Variants in FKBP5 observed in about 807,000 individuals in gnomAD.
FKBP5 encodes peptidyl-prolyl cis-trans isomerase FKBP5.
Under a neutral mutation model 50.5 loss-of-function variants are expected in FKBP5, and 23 were observed. The observed-to-expected ratio is 0.46, with a 90% CI of 0.33 to 0.65. FKBP5 has a LOEUF of 0.65. Ranked by LOEUF, FKBP5 falls within the 30% of genes least tolerant of loss-of-function variation. The pLI is 0.02. For synonymous variants in FKBP5, 176 were observed against 190.6 expected, an observed-to-expected ratio of 0.92 and a Z score of 0.63; for missense variants, 411 against 553.1, an observed-to-expected ratio of 0.74 and a Z score of 2.58.
rs755555823 is a variant in FKBP5 at position 35,637,137 on chromosome 6, C to G, written c.127G>C (p.Gly43Arg). ...TCTCCAATCATCGGCGTTTCCTCAC[C>G]ATTCCCCACTCTTTTGACAATCTAG... ...VLKIVKRVGN[G>R]EETPMIGDKV... Residue 43 changes from glycine to arginine, a missense_variant, in exon 3 of 11, where the codon GGT becomes CGT. By Grantham distance (125) the Gly-to-Arg change is moderately radical. Coordinates refer to ENST00000357266, the MANE Select transcript of FKBP5 (RefSeq NM_004117.4). 2 of 1,608,836 alleles carry G rather than the reference C, an allele frequency of 1.2e-6. No individual in the cohort carries two copies. The highest frequency in any genetic ancestry group is 1.7e-6 in the Non-Finnish European group (2 of 1,178,948).
intron 8 of FKBP5, chr6:35,585,309 T>C: frequency 1.0e-6 from 1 of 980,310 alleles, no homozygotes; most frequent in Non-Finnish European, 1.2e-6. Flanking sequence ...ATTATGTATT[T>C]GGATATACAA....
intron 1 of FKBP5, among the ~76,000 whole-genome samples, chr6:35,662,750 T>G (rs1561882904): frequency 6.6e-6 from 1 of 152,214 alleles, no homozygotes; most frequent in African/African-American, 2.4e-5. Context: ...GCATTCATTT[T>G]TGCTGCTTTT....
intron 2 of FKBP5, among the ~76,000 whole-genome samples, chr6:35,700,275 C>G (rs1766157004): frequency 6.6e-6 from 1 of 152,124 alleles, no homozygotes; most frequent in South Asian, 2.1e-4. Context: ...ATTCTCCTGC[C>G]TCAGCCTCCC....
chr6:35,674,339 G>A (rs1765473199), intron 1 of FKBP5, among the ~76,000 whole-genome samples: 1 of 152,298 alleles, frequency 6.6e-6, no homozygotes, highest in South Asian at 2.1e-4. Flanking sequence ...TGGAGATACA[G>A]ACTTAGAAAT....
chr6:35,590,696 C>T (rs1470396662), intron 7 of FKBP5, among the ~76,000 whole-genome samples: 3 of 152,052 alleles, frequency 2.0e-5, no homozygotes, highest in African/African-American at 4.8e-5. Context: ...CTTGGAGCCA[C>T]AGTGCAGGCC....
intron 5 of FKBP5, among the ~76,000 whole-genome samples, chr6:35,609,378 T>A (rs898038600): frequency 2.0e-5 from 3 of 152,180 alleles, no homozygotes; most frequent in African/African-American, 7.2e-5. Context: ...CTATAGACAA[T>A]GATCAAAAGC....
chr6:35,585,685 ATT>A (rs1644449722), intron 8 of FKBP5: 5 of 940,276 alleles, frequency 5.3e-6, no homozygotes, highest in Non-Finnish European at 5.1e-6. Flanking sequence ...ATGATTTAAA[ATT>A]TGTTTGAATA....
intron 8 of FKBP5, chr6:35,584,169 C>G: frequency 1.0e-6 from 1 of 985,464 alleles, no homozygotes; most frequent in Non-Finnish European, 1.2e-6. Flanking sequence ...TGCACAATGC[C>G]TGGCTTAATA....
intron 3 of FKBP5, among the ~76,000 whole-genome samples, chr6:35,635,377 T>C (rs1764280667): frequency 6.6e-6 from 1 of 151,874 alleles, no homozygotes; most frequent in African/African-American, 2.4e-5. Context: ...GGGGCTGAGT[T>C]GGGAGGATCA....
At position 35,661,666 on chromosome 6, in the gene FKBP5, G is replaced by A. The variant is rs1468809981; in HGVS notation, c.-19-18823C>T. ...AGTGCCTGTAATCCCAGCTACTCAG[G>A]AGGCTAAGGCAGGAGAATCACTTGA... is the stretch of plus-strand genomic sequence containing the variant. On this transcript the variant is annotated intron_variant, in intron 1 of 10. Coordinates refer to ENST00000357266, the MANE Select transcript of FKBP5 (RefSeq NM_004117.4). 2.5e-5 allele frequency among the ~76,000 whole-genome samples: 2 copies of A among 78,588 alleles called. 1 individual carries two copies. The highest frequency in any genetic ancestry group is 5.7e-5 in the Non-Finnish European group (2 of 34,886). 51.6% of individuals were successfully genotyped at this position (78,588 alleles called of 152,430 possible).
At chr6:35,683,118 ATATGTGTG>A (rs1401630092) in intron 1 of FKBP5, among the ~76,000 whole-genome samples, 9,335 of 108,630 alleles carry the variant, frequency 0.086, 852 homozygotes, top group East Asian at 0.14. Context: ...ATATATACGT[ATATGTGTG>A]TGTGTGTGTG....
chr6:35,587,680 T>C (rs781585578), intron 7 of FKBP5, among the ~76,000 whole-genome samples: 2 of 152,224 alleles, frequency 1.3e-5, no homozygotes, highest in African/African-American at 2.4e-5. Context: ...AAGCAAAACA[T>C]AATTGGGAGT....
At chr6:35,582,794 T>C in intron 8 of FKBP5, 3 of 985,428 alleles carry the variant, frequency 3.0e-6, no homozygotes, top group Non-Finnish European at 3.6e-6. Context: ...GTCACTGCCT[T>C]TTCTCTTGCT....
At chr6:35,728,482 C>G (rs1227342630) in intron 1 of FKBP5, 3 of 152,364 alleles carry the variant, frequency 2.0e-5, no homozygotes, top group Non-Finnish European at 2.9e-5. Flanking sequence ...CTGCTGTGTA[C>G]ATGTCCTGTT....
intron 5 of FKBP5, among the ~76,000 whole-genome samples, chr6:35,598,371 T>C (rs111499370): frequency 0.072 from 10,888 of 150,440 alleles, 762 homozygotes; most frequent in African/African-American, 0.2. Flanking sequence ...TACAGGTGTG[T>C]GCCACCACAC....
chr6:35,720,518 G>C (rs2151024480), exon 2 of FKBP5: 1 of 152,484 alleles, frequency 6.6e-6, no homozygotes, highest in East Asian at 1.9e-4. Flanking sequence ...GGTCCTCAAG[G>C]GTGGGCGCAG....
chr6:35,655,543 A>G (rs1363154551), intron 1 of FKBP5, among the ~76,000 whole-genome samples: 3 of 152,332 alleles, frequency 2.0e-5, no homozygotes, highest in African/African-American at 7.2e-5. Flanking sequence ...AACACTATAC[A>G]TGTAGAGAAT....
chr6:35,717,634 G>A (rs1340971940), intron 2 of FKBP5, among the ~76,000 whole-genome samples: 1 of 152,236 alleles, frequency 6.6e-6, no homozygotes, highest in Non-Finnish European at 1.5e-5. Flanking sequence ...GGTGTTGTGG[G>A]CAGGCAGGTA....
At chr6:35,586,814 T>C (rs1762614030) in intron 8 of FKBP5, 1 of 1,423,916 alleles carries the variant, frequency 7.0e-7, no homozygotes, top group Non-Finnish European at 9.2e-7. Flanking sequence ...AAGGTTACAA[T>C]CTAGAGCAGA....
Sources: gnomAD v4.1 joint callset for allele counts (sites outside exome capture counted in the v4.1 genomes callset) on GRCh38, gnomAD v4.1.1 for gene constraint, MANE v1.5 for transcripts, NCBI Gene and HGNC (gene_info 2026-07-23, HGNC 2026-07-21) for gene names.